UGT1A6: variants seen among roughly 807,000 people sequenced by gnomAD.
The protein encoded by UGT1A6 is UDP-glucuronosyltransferase 1A6.
Under a neutral mutation model 44.4 loss-of-function variants are expected in UGT1A6, and 32 were observed. The ratio of observed to expected loss-of-function variants is 0.72; its 90% CI spans 0.54 to 0.97. The LOEUF (loss-of-function observed/expected upper bound fraction) is 0.97, where lower values mean the gene tolerates loss of function less well. Ranked by LOEUF, UGT1A6 falls within the 50% of genes least tolerant of loss-of-function variation. The pLI, the probability that UGT1A6 is intolerant of heterozygous loss-of-function variation, is 0.00. For synonymous variants in UGT1A6, 238 were observed against 248.5 expected (o/e 0.96, Z 0.40); for missense variants, 685 against 661.9 (o/e 1.03, Z -0.38).
At chr2:233,735,891 A>C (rs2078706865) in intron 1 of UGT1A6, among the ~76,000 whole-genome samples, 2 of 151,822 alleles carry the variant, frequency 1.3e-5, no homozygotes, top group East Asian at 3.9e-4. Flanking sequence ...TGTTAGTCTG[A>C]TGGGCTTCCC....
intron 1 of UGT1A6, among the ~76,000 whole-genome samples, chr2:233,708,153 G>C (rs1349797259): frequency 6.6e-6 from 1 of 152,204 alleles, no homozygotes; most frequent in Admixed American, 6.5e-5. Context: ...TTCCACAGGG[G>C]AGTTGCCGGA....
In UGT1A6 at chr2:233,769,706, T is replaced by G; in HGVS notation, c.1301+1267T>G. On this transcript the variant is annotated intron_variant, in intron 4 of 4. Transcript: ENST00000305139. The surrounding 1 kb of genome is among the most constrained non-coding windows in gnomAD (Gnocchi z 4.4). ...GGTGGCACTGGATAAAAGATCAATG[T>G]TGGCTAGGCACCATGGCACACGCCT... 6.6e-7 allele frequency: 1 copy of G among 1,515,112 alleles called. No homozygotes were observed. 93.9% of individuals were successfully genotyped at this position (1,515,112 alleles called of 1,614,324 possible).
chr2:233,762,689 A>G (rs1362623162), intron 1 of UGT1A6, among the ~76,000 whole-genome samples: 1 of 148,448 alleles, frequency 6.7e-6, no homozygotes, highest in Non-Finnish European at 1.5e-5. Context: ...TTTCTTTCTC[A>G]TTCATCTTTT....
intron 1 of UGT1A6, chr2:233,756,307 C>T (rs1373805537): frequency 6.6e-6 from 1 of 152,200 alleles, no homozygotes; most frequent in Non-Finnish European, 1.5e-5. Context: ...ATATAACCTA[C>T]CCATATCCTC....
intron 1 of UGT1A6, chr2:233,729,209 G>T (rs1321436420): frequency 6.2e-7 from 1 of 1,613,990 alleles, no homozygotes. Flanking sequence ...TGGGCTGAGA[G>T]TGGAAAGGTG....
chr2:233,768,296 C>T lies in UGT1A6; in HGVS notation c.1158C>T (p.Pro386=), dbSNP rs763217521. 13 of 1,614,024 alleles carry T rather than the reference C, an allele frequency of 8.1e-6. No homozygotes were observed. In the African/African-American group the frequency reaches 1.1e-4, roughly 13 times the overall value. ...GVYESICNGV[P]MVMMPLFGDQ... is the part of the protein sequence containing the mutation. The stretch of plus-strand genomic sequence containing the variant: ...ATGAAAGCATATGCAATGGCGTTCC[C>T]ATGGTGATGATGCCCTTGTTTGGTG... Residue 386 remains proline (P), a synonymous_variant, in exon 4 of 5, where the codon CCC becomes CCT. Coordinates refer to ENST00000305139, the MANE Select transcript of UGT1A6 (RefSeq NM_001072.4).
intron 1 of UGT1A6, among the ~76,000 whole-genome samples, chr2:233,732,992 G>A (rs1489601833): frequency 1.3e-5 from 2 of 152,152 alleles, no homozygotes; most frequent in Non-Finnish European, 2.9e-5. Context: ...TCGTTGAGCA[G>A]TGGTTTGTAG....
chr2:233,759,378 C>T (rs906522518), intron 1 of UGT1A6, among the ~76,000 whole-genome samples: 2 of 152,128 alleles, frequency 1.3e-5, no homozygotes, highest in African/African-American at 2.4e-5. Flanking sequence ...TACAGGTTTT[C>T]AGGATACTCA....
intron 1 of UGT1A6, among the ~76,000 whole-genome samples, chr2:233,726,159 C>T (rs986768021): frequency 9.2e-5 from 14 of 152,064 alleles, no homozygotes; most frequent in African/African-American, 3.4e-4. Flanking sequence ...GAGTGAGGCC[C>T]CATTTCAAAA....
At chr2:233,743,997 T>A (rs1692639058) in intron 1 of UGT1A6, 2 of 1,236,004 alleles carry the variant, frequency 1.6e-6, no homozygotes, top group Non-Finnish European at 2.1e-6. Flanking sequence ...GCCCGAGTGC[T>A]CGGAGACCTG....
intron 1 of UGT1A6, chr2:233,721,987 C>T (rs1035516848): frequency 1.5e-5 from 4 of 261,572 alleles, no homozygotes; most frequent in Non-Finnish European, 2.3e-5. Flanking sequence ...GGTAGTTTCA[C>T]GAATGTCCTT....
In UGT1A6 at chr2:233,693,777, A is replaced by T. The variant is rs112793692; in HGVS notation, c.773A>T (p.Asp258Val). The T allele has an allele frequency of 2.0e-5, 32 of 1,614,100 alleles. No individual in the cohort carries two copies. The East Asian group carries it at 5.3e-4, about 27-fold the overall frequency. ...GTCTCTGTTTGGCTGTTAAGATATGACTTTGTGCTTGAATATCCTAGGCCG... is the reference window on the plus strand; with the variant it reads ...GTCTCTGTTTGGCTGTTAAGATATGTCTTTGTGCTTGAATATCCTAGGCCG... ...QKVSVWLLRY[D>V]FVLEYPRPVM... Residue 258 changes from aspartate (D) to valine (V), a missense_variant, in exon 1 of 5, where the codon GAC becomes GTC. Coordinates refer to ENST00000305139, the MANE Select transcript of UGT1A6 (RefSeq NM_001072.4).
rs191789950 is a variant in UGT1A6 at position 233,713,517 on chromosome 2, A to T, written c.861+19652A>T. 5 of 1,613,958 alleles carry T rather than the reference A, an allele frequency of 3.1e-6. No homozygotes were observed. In the East Asian group the frequency reaches 1.1e-4, roughly 36 times the overall value. On this transcript the variant is annotated intron_variant, in intron 1 of 4. Transcript: ENST00000305139. ...TCCTGCTGTGTTTTTCTTGAGGAAC[A>T]TTCCATGTGATTTAGACTTTAAGGG... is the stretch of plus-strand genomic sequence containing the variant.
At chr2:233,716,525 A>C (rs931011254) in intron 1 of UGT1A6, among the ~76,000 whole-genome samples, 1 of 152,164 alleles carries the variant, frequency 6.6e-6, no homozygotes, top group Non-Finnish European at 1.5e-5. Context: ...CTTACCATTC[A>C]ATTATCTCCT....
chr2:233,743,705 G>T (rs756391897), intron 1 of UGT1A6: 2 of 1,367,306 alleles, frequency 1.5e-6, no homozygotes, highest in Non-Finnish European at 9.8e-7. Context: ...CTCCGCCCCC[G>T]CCTCGCCATA....
intron 1 of UGT1A6, among the ~76,000 whole-genome samples, chr2:233,715,544 G>A (rs1354497871): frequency 6.6e-6 from 1 of 152,116 alleles, no homozygotes; most frequent in Non-Finnish European, 1.5e-5. Flanking sequence ...GACCGAGGGA[G>A]GAGGATTGCT....
At chr2:233,738,656 G>A (rs1275233800) in intron 1 of UGT1A6, among the ~76,000 whole-genome samples, 1 of 152,108 alleles carries the variant, frequency 6.6e-6, no homozygotes, top group Non-Finnish European at 1.5e-5. Context: ...TTGGAACTAC[G>A]AACTTGAGAG....
At chr2:233,712,026 T>G (rs2076211157) in intron 1 of UGT1A6, among the ~76,000 whole-genome samples, 1 of 152,232 alleles carries the variant, frequency 6.6e-6, no homozygotes, top group Non-Finnish European at 1.5e-5. Context: ...CAGAACTTGG[T>G]GCTGGATTGA....
At chr2:233,719,235 AG>A in intron 1 of UGT1A6, 1 of 1,614,202 alleles carries the variant, frequency 6.2e-7, no homozygotes, top group Non-Finnish European at 8.5e-7. Flanking sequence ...GGCCCTGATC[AG>A]GCACCTGAAT....
Sources: allele counts gnomAD v4.1 joint callset (sites outside exome capture counted in the v4.1 genomes callset), GRCh38; gene constraint gnomAD v4.1.1; non-coding constraint Gnocchi (gnomAD v3.1); transcripts MANE v1.5; gene names NCBI Gene and HGNC (gene_info 2026-07-23, HGNC 2026-07-21).